PMFBP1: variants seen among roughly 807,000 people sequenced by gnomAD.
The protein encoded by PMFBP1 is polyamine-modulated factor 1-binding protein 1.
In PMFBP1, 131 loss-of-function variants were observed where a neutral mutation model predicts 137.8. The ratio of observed to expected loss-of-function variants is 0.95; its 90% CI spans 0.82 to 1.10. PMFBP1 has a LOEUF of 1.10. Among genes scored for constraint, PMFBP1 ranks in the 50% least tolerant of loss-of-function variants. The pLI is 0.00. For missense variants in PMFBP1, 1,199 were observed against 1,175.4 expected (o/e 1.02, Z -0.29); for synonymous variants, 490 against 450.4 (o/e 1.09, Z -1.11).
At chr16:72,218,284 A>C in the PMFBP1 span, among the ~76,000 whole-genome samples, 1 of 152,224 alleles carries the variant, frequency 6.6e-6, no homozygotes, top group South Asian at 2.1e-4. Context: ...CAGAAAACAG[A>C]AATGCCTTGA....
downstream of PMFBP1, among the ~76,000 whole-genome samples, chr16:72,116,889 C>A (rs2042313710): frequency 6.6e-6 from 1 of 151,984 alleles, no homozygotes; most frequent in Non-Finnish European, 1.5e-5. Context: ...TATGGCAGTA[C>A]CACACTATTT....
At chr16:72,117,698 TG>T (rs2042322492), downstream of PMFBP1, among the ~76,000 whole-genome samples, 1 of 151,480 alleles carries the variant, frequency 6.6e-6, no homozygotes, top group South Asian at 2.1e-4. Context: ...CCTCATTTGT[TG>T]AATGCTTTTT....
chr16:72,139,707 A>G (rs1418727566), intron 6 of PMFBP1, among the ~76,000 whole-genome samples: 2 of 152,190 alleles, frequency 1.3e-5, no homozygotes, highest in East Asian at 3.8e-4. Context: ...GGAGAGATAT[A>G]CCTAATCTAT....
At chr16:72,180,350 A>G (rs1046004452), upstream of PMFBP1, among the ~76,000 whole-genome samples, 1 of 152,096 alleles carries the variant, frequency 6.6e-6, no homozygotes, top group East Asian at 1.9e-4. Context: ...TTCTGCCTCC[A>G]CTGGTGTTAA....
chr16:72,151,137 T>C (rs115953663), intron 4 of PMFBP1, among the ~76,000 whole-genome samples: 1 of 152,322 alleles, frequency 6.6e-6, no homozygotes, highest in African/African-American at 2.4e-5. Context: ...AATGAATTTG[T>C]ATAGCTCTGT....
At chr16:72,151,887 C>T (rs1383600080) in intron 4 of PMFBP1, among the ~76,000 whole-genome samples, 1 of 152,082 alleles carries the variant, frequency 6.6e-6, no homozygotes, top group Admixed American at 6.5e-5. Context: ...CCCATTCAAC[C>T]AGAGAGGCAA....
the PMFBP1 span, among the ~76,000 whole-genome samples, chr16:72,247,634 A>G: frequency 6.6e-6 from 1 of 152,212 alleles, no homozygotes; most frequent in Non-Finnish European, 1.5e-5. Flanking sequence ...GACAATCACA[A>G]ATCAGGATCC....
chr16:72,175,902 T>C (rs116468129), upstream of PMFBP1, among the ~76,000 whole-genome samples: 444 of 152,308 alleles, frequency 2.9e-3, 2 homozygotes, highest in African/African-American at 0.01. Flanking sequence ...GTATACTAAT[T>C]ATTTCTACCC....
chr16:72,199,097 C>T, the PMFBP1 span, among the ~76,000 whole-genome samples: 2 of 152,046 alleles, frequency 1.3e-5, no homozygotes, highest in Non-Finnish European at 2.9e-5. Flanking sequence ...GGAACTAGGA[C>T]GCATGCTTCC....
chr16:72,126,666 G>A (rs746507087), intron 14 of PMFBP1, among the ~76,000 whole-genome samples: 1 of 152,210 alleles, frequency 6.6e-6, no homozygotes, highest in Non-Finnish European at 1.5e-5. Flanking sequence ...GTTCTGTCAC[G>A]TGAAATATTG....
chr16:72,166,454 T>C (rs900195008), intron 2 of PMFBP1, among the ~76,000 whole-genome samples: 4 of 152,170 alleles, frequency 2.6e-5, no homozygotes, highest in Non-Finnish European at 5.9e-5. Flanking sequence ...AATTACTCAG[T>C]CTCCAGTAGT....
intron 10 of PMFBP1, 49 bp from the exon 11 acceptor site, chr16:72,130,771 T>G (rs1219991920): frequency 6.6e-7 from 1 of 1,523,042 alleles, no homozygotes; most frequent in African/African-American, 1.4e-5. Flanking sequence ...TGTATGAAGA[T>G]CACACTCTTA....
At chr16:72,182,008 A>G in the PMFBP1 span, among the ~76,000 whole-genome samples, 4 of 152,162 alleles carry the variant, frequency 2.6e-5, no homozygotes, top group Admixed American at 2.0e-4. Context: ...TTTTAAGAAA[A>G]TTTACGAAAT....
chr16:72,243,428 C>T, the PMFBP1 span, among the ~76,000 whole-genome samples: 2 of 152,124 alleles, frequency 1.3e-5, no homozygotes, highest in South Asian at 4.2e-4. Context: ...AAAAGAATGG[C>T]TGTATTTTAA....
intron 4 of PMFBP1, among the ~76,000 whole-genome samples, chr16:72,151,279 T>C (rs1405750683): frequency 5.3e-5 from 8 of 152,210 alleles, no homozygotes; most frequent in Admixed American, 3.3e-4. Context: ...GTGGGGAACA[T>C]GACCCAAAGT....
chr16:72,219,554 G>GT, the PMFBP1 span, among the ~76,000 whole-genome samples: 6 of 151,820 alleles, frequency 4.0e-5, no homozygotes, highest in Admixed American at 6.6e-5. Context: ...AATGTGGGCG[G>GT]GGGGGCCTGT....
At position 72,136,762 on chromosome 16, in the gene PMFBP1, G is replaced by T. The variant is rs953715788; in HGVS notation, c.976C>A (p.Gln326Lys). 3 of 1,614,038 alleles carry T rather than the reference G, an allele frequency of 1.9e-6. No homozygotes were observed. Among genetic ancestry groups the T allele is most frequent in the African/African-American group, 2.7e-5 (2 of 74,902 alleles). The change falls in exon 8 of 21, where the codon CAG (glutamine) becomes AAG (lysine). Residue 326 changes from glutamine (Q) to lysine (K), a missense_variant. Physicochemically the swap from Gln to Lys is moderately conservative, Grantham distance 53. Transcript: ENST00000237353. ...ACGCGCAGATCCTTCACCAGGTTCT[G>T]GTACTCCTCCACATGCAGGCACTGG... is the stretch of plus-strand genomic sequence containing the variant. The part of the protein sequence containing the change: ...DSQCLHVEEY[Q>K]NLVKDLRVEL...
chr16:72,143,105 T>A (rs1315285210), intron 5 of PMFBP1, among the ~76,000 whole-genome samples: 1 of 152,228 alleles, frequency 6.6e-6, no homozygotes, highest in Non-Finnish European at 1.5e-5. Flanking sequence ...AATAAAAACA[T>A]CTGATAAAAT....
At chr16:72,142,438 G>C (rs1030942850) in intron 5 of PMFBP1, among the ~76,000 whole-genome samples, 2 of 152,142 alleles carry the variant, frequency 1.3e-5, no homozygotes, top group African/African-American at 4.8e-5. Context: ...TGTTCAAAGA[G>C]ATAAAATAGG....
Sources: gnomAD v4.1 joint callset for allele counts (sites outside exome capture counted in the v4.1 genomes callset) on GRCh38, gnomAD v4.1.1 for gene constraint, MANE v1.5 for transcripts, NCBI Gene and HGNC (gene_info 2026-07-23, HGNC 2026-07-21) for gene names.